Variants in NAALADL2 observed in about 807,000 individuals in gnomAD.
NAALADL2 encodes the protein inactive N-acetylated-alpha-linked acidic dipeptidase-like protein 2.
In NAALADL2, 76 loss-of-function variants were observed where a neutral mutation model predicts 87.2. The observed-to-expected ratio is 0.87, with a 90% CI of 0.72 to 1.05. The LOEUF is 1.05. Ranked by LOEUF, NAALADL2 falls within the 50% of genes least tolerant of loss-of-function variation. NAALADL2 has a pLI of 0.00. For synonymous variants in NAALADL2, 354 were observed against 331.0 expected, an observed-to-expected ratio of 1.07 and a Z score of -0.75; for missense variants, 1,089 against 945.8, an observed-to-expected ratio of 1.15 and a Z score of -1.99.
intron 4 of NAALADL2, among the ~76,000 whole-genome samples, chr3:175,265,188 G>C (rs1242163437): frequency 4.0e-5 from 6 of 151,614 alleles, no homozygotes; most frequent in Non-Finnish European, 8.9e-5. Flanking sequence ...CCCCTGCTCT[G>C]TTTGTTTTAA....
chr3:175,423,679 G>C (rs1437063817), intron 5 of NAALADL2, among the ~76,000 whole-genome samples: 1 of 152,050 alleles, frequency 6.6e-6, no homozygotes, highest in South Asian at 2.1e-4. Flanking sequence ...TGGACATTTG[G>C]GTTGGTTCCA....
At chr3:174,474,893 A>G (rs1046457092) in intron 1 of NAALADL2, among the ~76,000 whole-genome samples, 1 of 152,138 alleles carries the variant, frequency 6.6e-6, no homozygotes, top group Admixed American at 6.6e-5. Flanking sequence ...GGTGCAACAC[A>G]GAGTGTTAAC....
At chr3:174,546,293 T>G (rs1722722608) in intron 1 of NAALADL2, among the ~76,000 whole-genome samples, 1 of 152,160 alleles carries the variant, frequency 6.6e-6, no homozygotes, top group African/African-American at 2.4e-5. Flanking sequence ...TTGTTTTAAC[T>G]TTGCACTTGG....
intron 11 of NAALADL2, among the ~76,000 whole-genome samples, chr3:175,702,905 C>T (rs1353741356): frequency 6.6e-6 from 1 of 151,230 alleles, no homozygotes. Context: ...AAGAAATGCA[C>T]TTGAGGAAAA....
intron 5 of NAALADL2, among the ~76,000 whole-genome samples, chr3:175,398,848 G>A (rs918218226): frequency 4.0e-5 from 6 of 151,832 alleles, no homozygotes; most frequent in African/African-American, 1.2e-4. Context: ...TAGGGGTCCC[G>A]ATCCAGACCC....
chr3:174,796,779 T>G (rs902955840), intron 3 of NAALADL2, among the ~76,000 whole-genome samples: 1 of 81,042 alleles, frequency 1.2e-5, no homozygotes, highest in Non-Finnish European at 2.5e-5. Flanking sequence ...TTTGTATGTC[T>G]TCTTTTGAGA....
intron 2 of NAALADL2, among the ~76,000 whole-genome samples, chr3:174,679,161 A>G (rs528574837): frequency 2.5e-4 from 38 of 152,168 alleles, no homozygotes; most frequent in African/African-American, 8.4e-4. Flanking sequence ...TGTCATTCCA[A>G]TAGAACTTTA....
chr3:174,948,491 T>A (rs9878711), intron 1 of NAALADL2, among the ~76,000 whole-genome samples: 48,105 of 152,170 alleles, frequency 0.32, 8,490 homozygotes, highest in East Asian at 0.48. Context: ...TTTATTTTTT[T>A]ATGAATGTTG....
intron 2 of NAALADL2, among the ~76,000 whole-genome samples, chr3:174,653,024 AACTG>A (rs888949718): frequency 5.3e-5 from 8 of 152,180 alleles, no homozygotes; most frequent in African/African-American, 1.7e-4. Flanking sequence ...ACTACACACT[AACTG>A]TAATGATTAC....
At chr3:175,414,352 C>A (rs566360160) in intron 5 of NAALADL2, among the ~76,000 whole-genome samples, 13 of 151,948 alleles carry the variant, frequency 8.6e-5, no homozygotes, top group Non-Finnish European at 1.8e-4. Context: ...TGCACCGGTA[C>A]CTTATGTGTG....
chr3:174,990,100 A>G (rs536999751), intron 1 of NAALADL2, among the ~76,000 whole-genome samples: 65 of 152,328 alleles, frequency 4.3e-4, no homozygotes, highest in African/African-American at 1.5e-3. Context: ...CTTTATCCAT[A>G]TGATGTATCT....
At chr3:174,847,387 T>C (rs1300377096) in intron 3 of NAALADL2, among the ~76,000 whole-genome samples, 1 of 152,226 alleles carries the variant, frequency 6.6e-6, no homozygotes, top group Non-Finnish European at 1.5e-5. Context: ...CTGGTTCTAA[T>C]GCCATATAAC....
chr3:175,770,657 T>A (rs1749369483), intron 13 of NAALADL2, among the ~76,000 whole-genome samples: 1 of 152,160 alleles, frequency 6.6e-6, no homozygotes, highest in South Asian at 2.1e-4. Flanking sequence ...GTACAGTGCC[T>A]CCAATTTTTT....
At chr3:175,679,418 T>C (rs900060383) in intron 11 of NAALADL2, among the ~76,000 whole-genome samples, 1 of 152,130 alleles carries the variant, frequency 6.6e-6, no homozygotes, top group Admixed American at 6.6e-5. Context: ...TAATGGCTGA[T>C]AAATGAATGA....
chr3:175,287,563 G>T (rs976290388), intron 4 of NAALADL2, among the ~76,000 whole-genome samples: 1 of 152,218 alleles, frequency 6.6e-6, no homozygotes, highest in Admixed American at 6.5e-5. Context: ...GATGATGACT[G>T]TGGGAGTTTG....
chr3:174,910,312 G>A (rs966962406), intron 1 of NAALADL2, among the ~76,000 whole-genome samples: 1 of 151,958 alleles, frequency 6.6e-6, no homozygotes, highest in African/African-American at 2.4e-5. Flanking sequence ...TTGTGTGTGT[G>A]TATAACTATA....
chr3:175,505,542 A>AT (rs936840720), intron 9 of NAALADL2, among the ~76,000 whole-genome samples: 16 of 151,132 alleles, frequency 1.1e-4, no homozygotes, highest in South Asian at 2.1e-4. Flanking sequence ...TTGTTGGCTT[A>AT]TTTTTTTTTG....
intron 1 of NAALADL2, among the ~76,000 whole-genome samples, chr3:175,042,109 T>C (rs1414388119): frequency 2.0e-5 from 3 of 152,142 alleles, no homozygotes; most frequent in African/African-American, 4.8e-5. Context: ...GCAACCATCA[T>C]TTTATCCTTT....
chr3:174,655,171 T>C (rs1443259858), intron 2 of NAALADL2, among the ~76,000 whole-genome samples: 1 of 152,244 alleles, frequency 6.6e-6, no homozygotes, highest in African/African-American at 2.4e-5. Flanking sequence ...TGTAAAATAG[T>C]AGTAACTAAC....
Sources: allele counts gnomAD v4.1 joint callset (sites outside exome capture counted in the v4.1 genomes callset), GRCh38; gene constraint gnomAD v4.1.1; transcripts MANE v1.5; gene names NCBI Gene and HGNC (gene_info 2026-07-23, HGNC 2026-07-21).